The following TENM2 variants were observed in gnomAD, a reference collection of about 807,000 sequenced individuals.
TENM2 encodes the protein teneurin-2.
Under a neutral mutation model 245.2 loss-of-function variants are expected in TENM2, and 52 were observed. That is an observed-to-expected ratio of 0.21 (90% CI 0.17 to 0.27). TENM2 has a LOEUF of 0.27. Among genes scored for constraint, TENM2 ranks in the 10% least tolerant of loss-of-function variants. TENM2 has a pLI of 1.00. For missense variants in TENM2, 3,046 were observed against 3,666.8 expected (o/e 0.83, Z 4.37); for synonymous variants, 1,363 against 1,438.9 (o/e 0.95, Z 1.19).
At chr5:167,725,665 T>C (rs1388465110) in intron 2 of TENM2, among the ~76,000 whole-genome samples, 4 of 152,186 alleles carry the variant, frequency 2.6e-5, no homozygotes, top group Non-Finnish European at 5.9e-5. Flanking sequence ...TTCTTTACTT[T>C]AAAATATTTG....
intron 2 of TENM2, among the ~76,000 whole-genome samples, chr5:167,618,129 A>T (rs1260488317): frequency 6.6e-6 from 1 of 152,144 alleles, no homozygotes; most frequent in African/African-American, 2.4e-5. Context: ...GCAACATACG[A>T]TGGTGATAAT....
intron 3 of TENM2, among the ~76,000 whole-genome samples, chr5:167,919,976 A>G (rs780009287): frequency 6.3e-4 from 96 of 152,338 alleles, no homozygotes; most frequent in Admixed American, 1.6e-3. Flanking sequence ...GGTAGAAGTA[A>G]GAGGACTCAC....
chr5:167,723,151 G>A (rs574479196), intron 2 of TENM2, among the ~76,000 whole-genome samples: 4 of 152,212 alleles, frequency 2.6e-5, no homozygotes, highest in South Asian at 4.2e-4. Context: ...ACATTTTTAG[G>A]TCCCACTGTT....
At chr5:167,792,012 T>C (rs1274236949) in intron 2 of TENM2, among the ~76,000 whole-genome samples, 5 of 152,158 alleles carry the variant, frequency 3.3e-5, no homozygotes, top group African/African-American at 1.2e-4. Context: ...AGATCAAGGT[T>C]GAAGTATTGT....
chr5:168,067,185 C>T (rs1790581426), intron 7 of TENM2, among the ~76,000 whole-genome samples: 1 of 152,124 alleles, frequency 6.6e-6, no homozygotes, highest in Admixed American at 6.5e-5. Context: ...CAGGAGGCAA[C>T]TTAAAAGTAT....
intron 1 of TENM2, among the ~76,000 whole-genome samples, chr5:167,287,083 A>C (rs1422879058): frequency 1.3e-5 from 2 of 152,246 alleles, no homozygotes; most frequent in African/African-American, 4.8e-5. Flanking sequence ...TTGCATATGC[A>C]AGTGCAATTC....
chr5:168,103,029 GC>G (rs1562160987), intron 9 of TENM2, among the ~76,000 whole-genome samples: 1 of 134,350 alleles, frequency 7.4e-6, no homozygotes, highest in African/African-American at 2.8e-5. Context: ...ATCCCTCCCC[GC>G]CTCCCCCCAC....
chr5:168,232,636 C>T (rs975768353), intron 25 of TENM2, among the ~76,000 whole-genome samples: 2 of 152,068 alleles, frequency 1.3e-5, no homozygotes, highest in Non-Finnish European at 2.9e-5. Context: ...GTGTGAGGGC[C>T]CAAGGCTCTG....
chr5:167,191,701 G>A, the TENM2 span, among the ~76,000 whole-genome samples: 2 of 151,924 alleles, frequency 1.3e-5, no homozygotes, highest in South Asian at 2.1e-4. Flanking sequence ...GAGACTATAC[G>A]GTTCTACAAA....
At chr5:167,537,042 G>A (rs573242888) in intron 2 of TENM2, among the ~76,000 whole-genome samples, 25 of 151,942 alleles carry the variant, frequency 1.6e-4, no homozygotes, top group South Asian at 2.1e-4. Flanking sequence ...AAGATTAGAC[G>A]TCCCATCCCA....
the TENM2 span, among the ~76,000 whole-genome samples, chr5:167,030,195 A>G: frequency 6.6e-6 from 1 of 152,112 alleles, no homozygotes; most frequent in Non-Finnish European, 1.5e-5. Context: ...TTCACTGACC[A>G]CCTTCTGAAC....
intron 1 of TENM2, among the ~76,000 whole-genome samples, chr5:167,300,651 G>T (rs1755254730): frequency 6.6e-6 from 1 of 152,104 alleles, no homozygotes; most frequent in Admixed American, 6.5e-5. Context: ...ATGGAGGGGG[G>T]TAAGAGTGAT....
At chr5:167,455,382 G>C (rs563304967) in intron 2 of TENM2, among the ~76,000 whole-genome samples, 32 of 150,678 alleles carry the variant, frequency 2.1e-4, no homozygotes, top group Non-Finnish European at 4.3e-4. Context: ...TCCTGAAAAA[G>C]ATTGTATGAT....
chr5:167,923,499 C>A (rs1400509517), intron 3 of TENM2, among the ~76,000 whole-genome samples: 4 of 152,072 alleles, frequency 2.6e-5, no homozygotes, highest in East Asian at 3.9e-4. Flanking sequence ...AATCTCAGAA[C>A]CTCCGCCGCT....
the TENM2 span, among the ~76,000 whole-genome samples, chr5:167,065,010 G>T: frequency 0.59 from 89,632 of 151,588 alleles, 28,550 homozygotes; most frequent in African/African-American, 0.84. Flanking sequence ...ACTGTTACTA[G>T]AGAATTTGCG....
In TENM2 at chr5:167,497,472, T is replaced by C. The variant is rs573069382; in HGVS notation, c.502+121999T>C. Among the ~76,000 whole-genome samples the C allele has an allele frequency of 5.9e-5, 9 of 152,248 alleles. No individual in the cohort carries two copies. The South Asian group carries it at 1.9e-3, about 32-fold the overall frequency. ...ACCTTTGATGACTCGACATTCACCCTGGTCAGTTTTGTCACTTAATGTCAA... is the reference window on the plus strand; with the variant it reads ...ACCTTTGATGACTCGACATTCACCCCGGTCAGTTTTGTCACTTAATGTCAA... On this transcript the variant is annotated intron_variant, in intron 2 of 28. Coordinates refer to ENST00000518659, the Ensembl canonical transcript of TENM2.
intron 2 of TENM2, among the ~76,000 whole-genome samples, chr5:167,769,971 A>T (rs1394054704): frequency 6.6e-6 from 1 of 152,170 alleles, no homozygotes; most frequent in Non-Finnish European, 1.5e-5. Flanking sequence ...GTATGGCTAG[A>T]ATGTTCACAT....
At chr5:167,712,898 G>GA (rs1250864116) in intron 2 of TENM2, among the ~76,000 whole-genome samples, 1 of 152,096 alleles carries the variant, frequency 6.6e-6, no homozygotes, top group Non-Finnish European at 1.5e-5. Context: ...CTTATTAGGT[G>GA]AAAAAATCAT....
chr5:167,623,586 C>T (rs1364724633), intron 2 of TENM2, among the ~76,000 whole-genome samples: 1 of 152,000 alleles, frequency 6.6e-6, no homozygotes, highest in East Asian at 1.9e-4. Context: ...GAGCAAGCTC[C>T]CCACTATGTA....
Sources: allele counts gnomAD v4.1 joint callset (sites outside exome capture counted in the v4.1 genomes callset), GRCh38; gene constraint gnomAD v4.1.1; transcripts MANE v1.5; gene names NCBI Gene and HGNC (gene_info 2026-07-23, HGNC 2026-07-21).